Variants in ST6GALNAC3 observed in about 807,000 individuals in gnomAD.
ST6GALNAC3 encodes the protein alpha-N-acetylgalactosaminide alpha-2,6-sialyltransferase 3.
ST6GALNAC3 carries 25 observed loss-of-function variants against 32.7 expected under a neutral mutation model. That is an observed-to-expected ratio of 0.76 (90% confidence interval 0.56 to 1.07). The LOEUF (loss-of-function observed/expected upper bound fraction) is 1.07. Ranked by LOEUF, ST6GALNAC3 falls within the 50% of genes least tolerant of loss-of-function variation. The pLI is 0.00. For synonymous variants in ST6GALNAC3, 129 were observed against 133.1 expected, an observed-to-expected ratio of 0.97 and a Z score of 0.21; for missense variants, 355 against 382.4, an observed-to-expected ratio of 0.93 and a Z score of 0.60.
intron 3 of ST6GALNAC3, among the ~76,000 whole-genome samples, chr1:76,578,173 T>G (rs1279128982): frequency 6.6e-6 from 1 of 152,094 alleles, no homozygotes; most frequent in Non-Finnish European, 1.5e-5. Context: ...TTGCAGATGC[T>G]AATGGGTATC....
At chr1:76,279,967 T>C (rs1457042153) in intron 1 of ST6GALNAC3, among the ~76,000 whole-genome samples, 1 of 90,742 alleles carries the variant, frequency 1.1e-5, no homozygotes, top group Admixed American at 1.4e-4. Context: ...TGCTAACCAT[T>C]GGTTCTCTCT....
chr1:76,104,903 G>C (rs1345076528), intron 1 of ST6GALNAC3, among the ~76,000 whole-genome samples: 1 of 152,134 alleles, frequency 6.6e-6, no homozygotes, highest in Non-Finnish European at 1.5e-5. Context: ...CAGATCTTGT[G>C]AGACTTATTC....
At chr1:76,219,369 T>C (rs2100599206) in intron 1 of ST6GALNAC3, among the ~76,000 whole-genome samples, 1 of 152,314 alleles carries the variant, frequency 6.6e-6, no homozygotes, top group Non-Finnish European at 1.5e-5. Flanking sequence ...AAATGAAGCC[T>C]GAAGTATTGA....
intron 2 of ST6GALNAC3, among the ~76,000 whole-genome samples, chr1:76,403,761 G>T (rs1291705542): frequency 6.6e-6 from 1 of 151,952 alleles, no homozygotes; most frequent in Non-Finnish European, 1.5e-5. Flanking sequence ...TGGCATTTTA[G>T]CAGCACGTCC....
chr1:76,601,255 A>T (rs184444970), intron 3 of ST6GALNAC3, among the ~76,000 whole-genome samples: 151 of 152,244 alleles, frequency 9.9e-4, no homozygotes, highest in African/African-American at 3.5e-3. Context: ...TTTCAGGAAA[A>T]TAGCAAACTA....
At chr1:76,201,263 G>A (rs1317281258) in intron 1 of ST6GALNAC3, among the ~76,000 whole-genome samples, 1 of 152,192 alleles carries the variant, frequency 6.6e-6, no homozygotes, top group East Asian at 1.9e-4. Flanking sequence ...CAATCATGGT[G>A]AAAGGCAAAG....
At chr1:76,257,039 G>A (rs377051533) in intron 1 of ST6GALNAC3, among the ~76,000 whole-genome samples, 2 of 152,040 alleles carry the variant, frequency 1.3e-5, no homozygotes, top group African/African-American at 2.4e-5. Context: ...TAGCTATTAC[G>A]AGTGAGCCAG....
chr1:76,233,230 G>A (rs1434354919), intron 1 of ST6GALNAC3, among the ~76,000 whole-genome samples: 1 of 152,040 alleles, frequency 6.6e-6, no homozygotes, highest in East Asian at 1.9e-4. Context: ...AGTTAGATTT[G>A]GTGGTATCTG....
At chr1:76,350,560 T>G (rs903030628) in intron 2 of ST6GALNAC3, among the ~76,000 whole-genome samples, 4 of 152,166 alleles carry the variant, frequency 2.6e-5, no homozygotes, top group African/African-American at 9.7e-5. Flanking sequence ...GTGCAATTAA[T>G]AGTCTAATAA....
intron 1 of ST6GALNAC3, among the ~76,000 whole-genome samples, chr1:76,092,580 GTGGCTAGATGCAGGGA>G (rs1423638902): frequency 6.6e-6 from 1 of 152,216 alleles, no homozygotes; most frequent in East Asian, 1.9e-4. Flanking sequence ...TGAGGTGACA[GTGGCTAGATGCAGGGA>G]TGGCTTCGTG....
At chr1:76,116,552 A>G (rs1648493177) in intron 1 of ST6GALNAC3, among the ~76,000 whole-genome samples, 1 of 152,156 alleles carries the variant, frequency 6.6e-6, no homozygotes. Flanking sequence ...TGGATTATAA[A>G]GTGAAGAGCT....
At chr1:76,233,160 T>G (rs555604514) in intron 1 of ST6GALNAC3, among the ~76,000 whole-genome samples, 4 of 152,304 alleles carry the variant, frequency 2.6e-5, no homozygotes, top group Non-Finnish European at 4.4e-5. Flanking sequence ...TCCCAAATTC[T>G]TCTACAGTAA....
chr1:76,551,492 AATT>A (rs1473417435), intron 3 of ST6GALNAC3, among the ~76,000 whole-genome samples: 1 of 152,124 alleles, frequency 6.6e-6, no homozygotes, highest in African/African-American at 2.4e-5. Flanking sequence ...TCATCTTATT[AATT>A]ATTATTATTA....
At chr1:76,372,352 ACACAGACATG>A (rs1165886327) in intron 2 of ST6GALNAC3, among the ~76,000 whole-genome samples, 1 of 152,138 alleles carries the variant, frequency 6.6e-6, no homozygotes, top group Non-Finnish European at 1.5e-5. Flanking sequence ...GTTTTATTAT[ACACAGACATG>A]CACACACACG....
intron 2 of ST6GALNAC3, among the ~76,000 whole-genome samples, chr1:76,350,740 A>G (rs1648908592): frequency 6.6e-6 from 1 of 152,194 alleles, no homozygotes; most frequent in South Asian, 2.1e-4. Flanking sequence ...ATTTTATCTC[A>G]TCTAAGACAT....
chr1:76,158,911 T>G (rs1651639436), intron 1 of ST6GALNAC3, among the ~76,000 whole-genome samples: 1 of 152,202 alleles, frequency 6.6e-6, no homozygotes, highest in South Asian at 2.1e-4. Context: ...GCTTTGGGGT[T>G]TGCCCAGGGT....
In ST6GALNAC3 at chr1:76,108,615, T is replaced by C. The variant is rs181978076; in HGVS notation, c.18+33731T>C. On this transcript the variant is annotated intron_variant, in intron 1 of 4. Transcript: ENST00000328299. ...CAAGGTAACTGTGTGGAATTACTTA[T>C]GATCACAAAGGCATCTGTAGCAAAG... is the stretch of plus-strand genomic sequence containing the variant. 2.1e-3 allele frequency among the ~76,000 whole-genome samples: 326 copies of C among 152,342 alleles called. 1 individual carries two copies. The highest frequency in any genetic ancestry group is 7.5e-3 in the African/African-American group (311 of 41,582).
rs919295659 is a variant in ST6GALNAC3, at chr1:76,493,000, G to A, written c.623+80583G>A. 1.3e-3 allele frequency among the ~76,000 whole-genome samples: 197 copies of A among 151,946 alleles called. 2 individuals carry two copies. Among genetic ancestry groups the A allele is most frequent in the African/African-American group, 4.6e-3 (192 of 41,460 alleles). On this transcript the variant is annotated intron_variant, in intron 3 of 4. Coordinates refer to ENST00000328299, the MANE Select transcript of ST6GALNAC3 (RefSeq NM_152996.4). The stretch of plus-strand genomic sequence containing the variant: ...AGGGTTAGGCCTAGAAGGAGAAAGA[G>A]GAAGGACATGAAACAAAGAGTTGAC...
At chr1:76,127,001 G>T (rs72674440) in intron 1 of ST6GALNAC3, among the ~76,000 whole-genome samples, 95 of 152,292 alleles carry the variant, frequency 6.2e-4, no homozygotes, top group Non-Finnish European at 5.9e-4. Context: ...AGGCACATAA[G>T]AAAATGATGC....
Sources: gnomAD v4.1 joint callset for allele counts (sites outside exome capture counted in the v4.1 genomes callset) on GRCh38, gnomAD v4.1.1 for gene constraint, MANE v1.5 for transcripts, NCBI Gene and HGNC (gene_info 2026-07-23, HGNC 2026-07-21) for gene names.